The following CYP2C19 variants were observed in gnomAD, a reference collection of about 807,000 sequenced individuals.
CYP2C19 encodes the protein cytochrome P450 2C19.
Under a neutral mutation model 40.9 loss-of-function variants are expected in CYP2C19, and 59 were observed. The observed-to-expected ratio is 1.44, with a 90% CI of 1.17 to 1.79. The LOEUF is 1.79. Among genes scored for constraint, CYP2C19 ranks in the 40% most tolerant of loss-of-function variants. CYP2C19 has a pLI of 0.00. For missense variants in CYP2C19, 754 were observed against 596.9 expected (o/e 1.26, Z -2.74); for synonymous variants, 253 against 208.7 (o/e 1.21, Z -1.83).
At chr10:94,775,986 A>G (rs4244284) in intron 3 of CYP2C19, 91,183 of 196,442 alleles carry the variant, frequency 0.46, 23,037 homozygotes, top group Admixed American at 0.61. Context: ...TAATTGGACT[A>G]TGTTTGTATG....
chr10:94,780,740 C>A, intron 4 of CYP2C19, 81 bp downstream of exon 4: 1 of 1,485,824 alleles, frequency 6.7e-7, no homozygotes, highest in Non-Finnish European at 9.3e-7. Context: ...ATTGACCAAG[C>A]CCTGAAGTAC....
chr10:94,796,295 A>T (rs1848685577), intron 5 of CYP2C19, among the ~76,000 whole-genome samples: 1 of 152,128 alleles, frequency 6.6e-6, no homozygotes, highest in South Asian at 2.1e-4. Context: ...CTTGTCAAAG[A>T]TCAGATAGTT....
intron 5 of CYP2C19, among the ~76,000 whole-genome samples, chr10:94,813,346 G>A (rs957725965): frequency 3.3e-5 from 5 of 151,902 alleles, no homozygotes; most frequent in African/African-American, 1.2e-4. Context: ...GAGCCAGCAG[G>A]CAGGAACATT....
At chr10:94,798,442 T>A (rs185912734) in intron 5 of CYP2C19, among the ~76,000 whole-genome samples, 104 of 152,280 alleles carry the variant, frequency 6.8e-4, no homozygotes, top group Non-Finnish European at 1.2e-3. Context: ...AAGCACGATG[T>A]GGTGCTGAGA....
rs144012710 is a variant in CYP2C19 at position 94,852,188 on chromosome 10, A to G, written c.1292-545A>G. On this transcript the variant is annotated intron_variant, in intron 8 of 8. Coordinates refer to ENST00000371321, the MANE Select transcript of CYP2C19 (RefSeq NM_000769.4). ...AGAATGTGAGGGTCCAGGTCAAGCT[A>G]TTTGGATCTTATCCCATAGGACAGA... Among the ~76,000 whole-genome samples, 11 of 152,236 alleles carry G rather than the reference A, an allele frequency of 7.2e-5. No homozygotes were observed. The East Asian group carries it at 2.1e-3, about 29-fold the overall frequency.
chr10:94,815,593 C>CT (rs1487112766), intron 5 of CYP2C19, among the ~76,000 whole-genome samples: 1 of 152,218 alleles, frequency 6.6e-6, no homozygotes, highest in Non-Finnish European at 1.5e-5. Context: ...CTTACTCTCT[C>CT]TTTTATTCCC....
intron 5 of CYP2C19, among the ~76,000 whole-genome samples, chr10:94,787,274 C>T (rs548195339): frequency 4.6e-5 from 7 of 152,158 alleles, no homozygotes; most frequent in Non-Finnish European, 1.5e-5. Context: ...TTGTCATATG[C>T]TTGTTGGCCA....
rs150933530 is a variant in CYP2C19 at position 94,842,994 on chromosome 10, C to T, written c.1119C>T (p.Asp373=). The stretch of plus-strand genomic sequence containing the variant: ...GCCTGCCCCATGCAGTGACCTGTGA[C>T]GTTAAATTCAGAAACTACCTCATTC... ...PTSLPHAVTC[D]VKFRNYLIPK... Residue 373 remains aspartate (D), a synonymous_variant, in exon 7 of 9, where the codon GAC becomes GAT. Coordinates refer to ENST00000371321, the MANE Select transcript of CYP2C19 (RefSeq NM_000769.4). The T allele has an allele frequency of 1.4e-4, 218 of 1,614,194 alleles. No individual in the cohort carries two copies. In the South Asian group the frequency reaches 1.6e-3, roughly 12 times the overall value.
At chr10:94,775,664 G>T (rs1271044569) in intron 3 of CYP2C19, 125 bp downstream of exon 3, 1 of 1,546,836 alleles carries the variant, frequency 6.5e-7, no homozygotes, top group East Asian at 2.3e-5. Flanking sequence ...CTCATGTGAA[G>T]CAGGGTTTGA....
intron 5 of CYP2C19, among the ~76,000 whole-genome samples, chr10:94,786,009 G>A (rs928293146): frequency 4.6e-5 from 7 of 151,852 alleles, no homozygotes; most frequent in African/African-American, 1.2e-4. Flanking sequence ...TGCCTTTTCC[G>A]GCCTGCCTAT....
At chr10:94,816,266 A>C (rs887002515) in intron 5 of CYP2C19, among the ~76,000 whole-genome samples, 3 of 144,874 alleles carry the variant, frequency 2.1e-5, no homozygotes, top group Non-Finnish European at 4.6e-5. Context: ...CTTTATTTTT[A>C]TTTTTATTTT....
intron 5 of CYP2C19, among the ~76,000 whole-genome samples, chr10:94,790,986 C>G (rs1439877744): frequency 6.6e-6 from 1 of 152,126 alleles, no homozygotes; most frequent in Non-Finnish European, 1.5e-5. Flanking sequence ...AGCTGTGAAT[C>G]CCTCTGGTTC....
chr10:94,818,322 G>A (rs918967005), intron 5 of CYP2C19, among the ~76,000 whole-genome samples: 1 of 150,650 alleles, frequency 6.6e-6, no homozygotes, highest in African/African-American at 2.4e-5. Context: ...GTCAGGTAGT[G>A]TGATGCCTCC....
At chr10:94,796,474 G>A (rs1169466078) in intron 5 of CYP2C19, among the ~76,000 whole-genome samples, 1 of 152,126 alleles carries the variant, frequency 6.6e-6, no homozygotes, top group African/African-American at 2.4e-5. Flanking sequence ...ACTTGGCAAT[G>A]TGGGCTCTTT....
At position 94,835,737 on chromosome 10, in the gene CYP2C19, A is replaced by G. The variant is rs115520764; in HGVS notation, c.962-7100A>G. Among the ~76,000 whole-genome samples, 474 of 152,250 alleles carry G rather than the reference A, an allele frequency of 3.1e-3. 3 individuals carry two copies. Among genetic ancestry groups the G allele is most frequent in the African/African-American group, 0.011 (451 of 41,526 alleles). On this transcript the variant is annotated intron_variant, in intron 6 of 8. Transcript: ENST00000371321. ...CCTTTCCCTCCATATTGCTTCATGG[A>G]CATGGAAGACTAGGTAAGCATACTT... is the stretch of plus-strand genomic sequence containing the variant.
At chr10:94,851,834 G>T (rs536895434) in intron 8 of CYP2C19, among the ~76,000 whole-genome samples, 1 of 152,110 alleles carries the variant, frequency 6.6e-6, no homozygotes, top group African/African-American at 2.4e-5. Flanking sequence ...ATGTTGCACT[G>T]GGTATTATGT....
intron 6 of CYP2C19, among the ~76,000 whole-genome samples, chr10:94,837,039 G>C (rs942191891): frequency 1.4e-5 from 2 of 146,220 alleles, no homozygotes; most frequent in Admixed American, 1.3e-4. Flanking sequence ...GGATGTACAG[G>C]GATGCAGAAA....
chr10:94,762,953 A>C lies in CYP2C19; in HGVS notation c.168+80A>C, dbSNP rs1452801040. Reference sequence around the variant, plus strand: ...TTAAATAAAGTATATCCCTAGAGGTACAATGTTACAAGAGATCATTGTAAA... The same window carrying C: ...TTAAATAAAGTATATCCCTAGAGGTCCAATGTTACAAGAGATCATTGTAAA... On this transcript the variant is annotated intron_variant, in intron 1 of 8. Transcript: ENST00000371321. 2.4e-5 allele frequency: 34 copies of C among 1,395,214 alleles called. 1 individual carries two copies. In the Admixed American group the frequency reaches 5.8e-4, roughly 24 times the overall value. The allele number at this position is 1,395,214 out of a possible 1,614,324, so 86.4% of individuals were successfully genotyped here. A position where few individuals can be genotyped will look rare whatever the true frequency, so the allele number is the denominator to read the frequency against.
At chr10:94,780,241 T>C (rs765857032) in intron 3 of CYP2C19, among the ~76,000 whole-genome samples, 1 of 152,150 alleles carries the variant, frequency 6.6e-6, no homozygotes, top group Non-Finnish European at 1.5e-5. Context: ...CTTTCCAAAG[T>C]AAAAGACAAA....
Sources: allele counts gnomAD v4.1 joint callset (sites outside exome capture counted in the v4.1 genomes callset), GRCh38; gene constraint gnomAD v4.1.1; transcripts MANE v1.5; gene names NCBI Gene and HGNC (gene_info 2026-07-23, HGNC 2026-07-21).